The following DYNC2I2 variants were observed in gnomAD, a reference collection of about 807,000 sequenced individuals.
DYNC2I2 encodes dynein 2 intermediate chain 2, also known as cytoplasmic dynein 2 intermediate chain 2.
A neutral mutation model predicts 52.0 loss-of-function variants in DYNC2I2; 39 were observed. The observed-to-expected ratio is 0.75, with a 90% CI of 0.58 to 0.98. The LOEUF (loss-of-function observed/expected upper bound fraction) is 0.98. Among genes scored for constraint, DYNC2I2 ranks in the 50% least tolerant of loss-of-function variants. DYNC2I2 has a pLI of 0.00. For missense variants in DYNC2I2, 743 were observed against 728.4 expected (o/e 1.02, Z -0.23); for synonymous variants, 359 against 321.1 (o/e 1.12, Z -1.26).
chr9:128,636,105 C>G (rs78308846), intron 4 of DYNC2I2, 176 bp downstream of exon 4: 1 of 1,022,042 alleles, frequency 9.8e-7, no homozygotes, highest in Non-Finnish European at 1.5e-6. Context: ...ACTCCTCCCC[C>G]GAGTTCCACC....
chr9:128,635,430 A>C lies in DYNC2I2; in HGVS notation c.814-171T>G, dbSNP rs930554182. ...CTGGAGGGTTCCCAGGGCCCTCTCC[A>C]GTCCCAGAATCCCAGCGCTGCTCAC... On this transcript the variant is annotated intron_variant, in intron 5 of 8. Transcript: ENST00000372715. 3 of 881,972 alleles carry C rather than the reference A, an allele frequency of 3.4e-6. No individual in the cohort carries two copies. In the Admixed American group the frequency reaches 8.5e-5, roughly 25 times the overall value. 54.6% of individuals were successfully genotyped at this position (881,972 alleles called of 1,614,324 possible).
Position 128,656,642 on chromosome 9 carries a change from C to G in DYNC2I2, c.85G>C (p.Gly29Arg), listed in dbSNP as rs1860833158. 3 of 1,504,490 alleles carry G rather than the reference C, an allele frequency of 2.0e-6. No individual in the cohort carries two copies. Among genetic ancestry groups the G allele is most frequent in the Non-Finnish European group, 2.6e-6 (3 of 1,134,648 alleles). The allele number at this position is 1,504,490 out of a possible 1,614,324, so 93.2% of individuals were successfully genotyped here. A position where few individuals can be genotyped will look rare whatever the true frequency, so the allele number is the denominator to read the frequency against. ...AALATVGVAS[G>R]PGPGRPGPLQ... ...GGCCCTGGCCGCCCCGGCCCCGGGC[C>G]GCTCGCAACCCCGACTGTCGCCAGC... The change falls in exon 1 of 9, where the codon GGC becomes CGC. Residue 29 changes from glycine to arginine, a missense_variant. Physicochemically the swap from Gly to Arg is moderately radical, Grantham distance 125 (BLOSUM62 -2). Transcript: ENST00000372715.
chr9:128,683,806 G>C, the DYNC2I2 span: 1 of 1,162,300 alleles, frequency 8.6e-7, no homozygotes, highest in Non-Finnish European at 1.2e-6. Flanking sequence ...GCAGATTTAA[G>C]CCGCTGGCAC....
At chr9:128,645,089 G>A (rs1192828082) in intron 1 of DYNC2I2, among the ~76,000 whole-genome samples, 2 of 152,008 alleles carry the variant, frequency 1.3e-5, no homozygotes, top group Non-Finnish European at 2.9e-5. Context: ...AGTGGCTCAT[G>A]CCTGTAATCC....
chr9:128,672,383 G>A, the DYNC2I2 span, among the ~76,000 whole-genome samples: 33 of 151,938 alleles, frequency 2.2e-4, no homozygotes, highest in African/African-American at 6.7e-4. Flanking sequence ...CAGTAGAAAC[G>A]GGGTTTCCCC....
chr9:128,667,113 C>T, the DYNC2I2 span, among the ~76,000 whole-genome samples: 4 of 151,374 alleles, frequency 2.6e-5, no homozygotes, highest in East Asian at 2.0e-4. Flanking sequence ...GCAGGAGAAT[C>T]GCTTGAACCC....
At position 128,640,885 on chromosome 9, in the gene DYNC2I2, T is replaced by A; in HGVS notation, c.241A>T (p.Asn81Tyr). ...ATASASAQAR[N>Y]HVDAQVQTEA... The stretch of plus-strand genomic sequence containing the variant: ...GTCTGCACCTGGGCGTCCACATGAT[T>A]CCTGGCCTGGGCGGATGCACTGGCA... Residue 81 changes from asparagine to tyrosine, a missense_variant, in exon 2 of 9, where the codon AAT becomes TAT. Asn to Tyr is a moderately radical substitution (Grantham distance 143). Transcript: ENST00000372715. 1 of 1,612,644 alleles carries A rather than the reference T, an allele frequency of 6.2e-7. No homozygotes were observed. The highest frequency in any genetic ancestry group is 8.5e-7 in the Non-Finnish European group (1 of 1,179,220).
At chr9:128,657,077 C>T (rs1860845590), upstream of DYNC2I2, among the ~76,000 whole-genome samples, 1 of 152,216 alleles carries the variant, frequency 6.6e-6, no homozygotes, top group African/African-American at 2.4e-5. Flanking sequence ...GGCCGGCCCG[C>T]GAGGTCTGGG....
At chr9:128,637,780 C>T (rs1308229150) in intron 2 of DYNC2I2, among the ~76,000 whole-genome samples, 1 of 152,132 alleles carries the variant, frequency 6.6e-6, no homozygotes, top group African/African-American at 2.4e-5. Context: ...ATCTTGCTTT[C>T]AGCCCTGCAG....
intron 1 of DYNC2I2, among the ~76,000 whole-genome samples, chr9:128,654,456 C>A (rs577046481): frequency 6.6e-6 from 1 of 152,242 alleles, no homozygotes; most frequent in African/African-American, 2.4e-5. Flanking sequence ...TTTCCTTACC[C>A]TCTCTGACCT....
chr9:128,680,572 T>C, the DYNC2I2 span, among the ~76,000 whole-genome samples: 1 of 150,506 alleles, frequency 6.6e-6, no homozygotes, highest in Non-Finnish European at 1.5e-5. Flanking sequence ...AGAGACGGGG[T>C]TTCACCGTGT....
Position 128,636,384 on chromosome 9 carries a change from C to T in DYNC2I2, c.600G>A (p.Leu200=), listed in dbSNP as rs774089075. 2.5e-6 allele frequency: 4 copies of T among 1,610,642 alleles called. No homozygotes were observed. In the South Asian group the frequency reaches 4.4e-5, roughly 18 times the overall value. ...TLKSFVCAWN[L]DRRDLRPQQP... ...GCTGGGGACGCAGGTCTCGCCGGTCCAGGTTCCAGGCACACACGAAGGACT... is the reference window on the plus strand; with the variant it reads ...GCTGGGGACGCAGGTCTCGCCGGTCTAGGTTCCAGGCACACACGAAGGACT... Residue 200 remains leucine (L), a synonymous_variant, in exon 4 of 9, where the codon CTG becomes CTA. Coordinates refer to ENST00000372715, the MANE Select transcript of DYNC2I2 (RefSeq NM_052844.4).
upstream of DYNC2I2, among the ~76,000 whole-genome samples, chr9:128,659,473 C>A (rs1443396299): frequency 1.4e-5 from 2 of 142,500 alleles, no homozygotes; most frequent in Non-Finnish European, 3.0e-5. Context: ...CCAGCCTGGG[C>A]GACAGAGGGA....
chr9:128,634,253 A>G lies in DYNC2I2; in HGVS notation c.1345T>C (p.Leu449=). ...TTCCCAGAGGCAGCTGCAAAAACCA[A>G]GGGCCGCACTGGGGACCAGCGCACA... ...FAVRWSPVRP[L]VFAAASGKGD... The change falls in exon 8 of 9, where the codon TTG becomes CTG. Residue 449 remains leucine, a synonymous_variant. Transcript: ENST00000372715. 6.2e-7 allele frequency: 1 copy of G among 1,613,846 alleles called. No individual in the cohort carries two copies. The highest frequency in any genetic ancestry group is 8.5e-7 in the Non-Finnish European group (1 of 1,180,008).
chr9:128,646,106 A>T (rs1392926021), intron 1 of DYNC2I2, among the ~76,000 whole-genome samples: 1 of 152,248 alleles, frequency 6.6e-6, no homozygotes, highest in African/African-American at 2.4e-5. Context: ...ATACAAGGTG[A>T]AGCAGCAAGT....
In DYNC2I2 at chr9:128,636,314, C is replaced by T. The variant is rs1190365968; in HGVS notation, c.670G>A (p.Ala224Thr). Residue 224 changes from alanine to threonine, a missense_variant, in exon 4 of 9, where the codon GCC (alanine) becomes ACC (threonine). Physicochemically the swap from Ala to Thr is moderately conservative, Grantham distance 58. Transcript: ENST00000372715. Reference protein sequence around the residue: ...VEVPSAVLCLAFHPTQPSHVA... With the variant: ...VEVPSAVLCLTFHPTQPSHVA... Reference sequence around the variant, plus strand: ...TGGGAGGGCTGCGTGGGGTGGAAGGCCAGACACAGGACAGCGCTGGGGACC... The same window carrying T: ...TGGGAGGGCTGCGTGGGGTGGAAGGTCAGACACAGGACAGCGCTGGGGACC... 1 of 1,588,888 alleles carries T rather than the reference C, an allele frequency of 6.3e-7. No individual in the cohort carries two copies. The highest frequency in any genetic ancestry group is 1.1e-5 in the South Asian group (1 of 87,268).
chr9:128,640,720 C>T lies in DYNC2I2; in HGVS notation c.406G>A (p.Glu136Lys), dbSNP rs375374981. 8.1e-6 allele frequency: 13 copies of T among 1,614,176 alleles called. No homozygotes were observed. Among genetic ancestry groups the T allele is most frequent in the Non-Finnish European group, 1.0e-5 (12 of 1,180,022 alleles). Reference protein sequence around the residue: ...NWQSHAFDGFEVNWTEQQQMV... With the variant: ...NWQSHAFDGFKVNWTEQQQMV... ...TGCTGCTGCTCGGTCCAGTTCACCT[C>T]GAAGCCATCAAACGCGTGGCTCTGC... The change falls in exon 2 of 9, where the codon GAG becomes AAG. Residue 136 changes from glutamate (E) to lysine (K), a missense_variant. Transcript: ENST00000372715.
intron 1 of DYNC2I2, among the ~76,000 whole-genome samples, chr9:128,652,537 C>T (rs1589436651): frequency 6.7e-6 from 1 of 150,244 alleles, no homozygotes; most frequent in Admixed American, 6.6e-5. Context: ...GGAGGAAAAT[C>T]GCTTGAACCC....
At chr9:128,662,109 T>C in the DYNC2I2 span, among the ~76,000 whole-genome samples, 1 of 151,326 alleles carries the variant, frequency 6.6e-6, no homozygotes, top group Non-Finnish European at 1.5e-5. Context: ...TGCATGTGCC[T>C]GTAGTCCCAG....
Sources: allele counts gnomAD v4.1 joint callset (sites outside exome capture counted in the v4.1 genomes callset), GRCh38; gene constraint gnomAD v4.1.1; transcripts MANE v1.5; gene names NCBI Gene and HGNC (gene_info 2026-07-23, HGNC 2026-07-21).